Variants in DNAJC1 observed in about 807,000 individuals in gnomAD.
The protein encoded by DNAJC1 is dnaJ homolog subfamily C member 1.
DNAJC1 carries 58 observed loss-of-function variants against 76.6 expected under a neutral mutation model. The ratio of observed to expected loss-of-function variants is 0.76; its 90% CI spans 0.61 to 0.94. The LOEUF (loss-of-function observed/expected upper bound fraction) is 0.94. DNAJC1 is among the 40% of genes least tolerant of loss of function. The probability of loss-of-function intolerance (pLI) is 0.00; values close to 1 mark genes in which losing one functional copy is unlikely to be tolerated. For synonymous variants in DNAJC1, 258 were observed against 267.9 expected (o/e 0.96, Z 0.36); for missense variants, 689 against 677.3 (o/e 1.02, Z -0.19).
chr10:21,876,905 T>A (rs1050879138), intron 8 of DNAJC1, among the ~76,000 whole-genome samples: 1 of 152,220 alleles, frequency 6.6e-6, no homozygotes, highest in Non-Finnish European at 1.5e-5. Flanking sequence ...TCCAGGATAT[T>A]GTTAATTGAA....
intron 6 of DNAJC1, 62 bp from the exon 7 acceptor site, chr10:21,904,674 C>T (rs2131745203): frequency 9.4e-7 from 1 of 1,064,026 alleles, no homozygotes; most frequent in East Asian, 2.6e-5. Flanking sequence ...TAATATTTTC[C>T]ATGTAACTTA....
At chr10:21,886,094 G>C (rs1836362982) in intron 7 of DNAJC1, among the ~76,000 whole-genome samples, 2 of 151,640 alleles carry the variant, frequency 1.3e-5, no homozygotes, top group African/African-American at 4.8e-5. Context: ...TACTAGCTAG[G>C]CTAATAGAGA....
chr10:21,941,718 ATG>A (rs1837415642), intron 1 of DNAJC1, among the ~76,000 whole-genome samples: 1 of 152,158 alleles, frequency 6.6e-6, no homozygotes, highest in Admixed American at 6.5e-5. Flanking sequence ...TTTGTAATAT[ATG>A]TGTCTGTAGG....
At chr10:21,905,400 A>G in intron 6 of DNAJC1, among the ~76,000 whole-genome samples, 1 of 152,066 alleles carries the variant, frequency 6.6e-6, no homozygotes, top group African/African-American at 2.4e-5. Context: ...CAGATAGTCT[A>G]TAGGAATACC....
chr10:21,845,257 C>T (rs1372149569), intron 8 of DNAJC1, among the ~76,000 whole-genome samples: 1 of 151,930 alleles, frequency 6.6e-6, no homozygotes, highest in Non-Finnish European at 1.5e-5. Context: ...GATCTTCCAT[C>T]AAGCAAGCTG....
At chr10:21,930,375 T>C (rs1837202221) in intron 1 of DNAJC1, among the ~76,000 whole-genome samples, 1 of 152,204 alleles carries the variant, frequency 6.6e-6, no homozygotes, top group African/African-American at 2.4e-5. Context: ...TGTCTCTCAT[T>C]TGATAGCTGA....
intron 1 of DNAJC1, among the ~76,000 whole-genome samples, chr10:21,986,665 C>A (rs1025827451): frequency 6.6e-6 from 1 of 152,110 alleles, no homozygotes; most frequent in African/African-American, 2.4e-5. Flanking sequence ...ACTAAACCAA[C>A]CTTGCATTCC....
chr10:21,854,528 C>G (rs1049294284), intron 8 of DNAJC1, among the ~76,000 whole-genome samples: 3 of 151,812 alleles, frequency 2.0e-5, no homozygotes, highest in Non-Finnish European at 4.4e-5. Flanking sequence ...ATGTCATATT[C>G]CTAAGACAGA....
chr10:21,864,189 A>G (rs1307877580), intron 8 of DNAJC1, among the ~76,000 whole-genome samples: 1 of 152,168 alleles, frequency 6.6e-6, no homozygotes, highest in African/African-American at 2.4e-5. Flanking sequence ...GTGCCACTGC[A>G]CTCCAGCCTC....
intron 1 of DNAJC1, among the ~76,000 whole-genome samples, chr10:21,997,637 C>A (rs1328448790): frequency 6.6e-6 from 1 of 152,134 alleles, no homozygotes; most frequent in Non-Finnish European, 1.5e-5. Context: ...TTCCTCCCAA[C>A]CATGGGGCAC....
At chr10:21,810,532 T>C (rs1057119596) in intron 8 of DNAJC1, among the ~76,000 whole-genome samples, 4 of 152,214 alleles carry the variant, frequency 2.6e-5, no homozygotes, top group Admixed American at 2.0e-4. Flanking sequence ...ATGGACACTC[T>C]GACCCAAAGA....
chr10:21,983,093 C>G (rs1381592249), intron 1 of DNAJC1, among the ~76,000 whole-genome samples: 1 of 152,112 alleles, frequency 6.6e-6, no homozygotes, highest in East Asian at 1.9e-4. Context: ...ACTATATGAT[C>G]CAGCAATTCT....
At chr10:21,904,715 A>C in intron 6 of DNAJC1, 103 bp from the exon 7 acceptor site, 1 of 593,894 alleles carries the variant, frequency 1.7e-6, no homozygotes, top group Non-Finnish European at 2.7e-6. Context: ...TTTTATAAGT[A>C]GGCTTTCTTT....
intron 9 of DNAJC1, among the ~76,000 whole-genome samples, chr10:21,785,785 A>G (rs1834598612): frequency 6.6e-6 from 1 of 152,194 alleles, no homozygotes; most frequent in African/African-American, 2.4e-5. Flanking sequence ...AGGAAATGGA[A>G]GGCAGAGAAG....
At chr10:21,886,055 TA>T (rs202148715) in intron 7 of DNAJC1, among the ~76,000 whole-genome samples, 5 of 151,406 alleles carry the variant, frequency 3.3e-5, no homozygotes, top group Non-Finnish European at 7.4e-5. Flanking sequence ...GAATGGATTT[TA>T]AAAAAAAATT....
At chr10:21,996,271 T>C (rs1734810216) in intron 1 of DNAJC1, among the ~76,000 whole-genome samples, 1 of 152,192 alleles carries the variant, frequency 6.6e-6, no homozygotes, top group Admixed American at 6.5e-5. Flanking sequence ...GGAAAACAGT[T>C]CTGAAAGTCA....
intron 3 of DNAJC1, among the ~76,000 whole-genome samples, chr10:21,922,178 G>C (rs573617972): frequency 6.6e-6 from 1 of 152,026 alleles, no homozygotes; most frequent in South Asian, 2.1e-4. Flanking sequence ...TGCCAGTCTT[G>C]ACATGTAAAT....
chr10:21,970,873 A>G (rs1590073262), intron 1 of DNAJC1, among the ~76,000 whole-genome samples: 3 of 152,008 alleles, frequency 2.0e-5, no homozygotes, highest in East Asian at 3.9e-4. Flanking sequence ...ATTCCATCTG[A>G]TAGTTTTGAA....
intron 1 of DNAJC1, among the ~76,000 whole-genome samples, chr10:21,976,720 T>A (rs1474762878): frequency 6.6e-6 from 1 of 152,208 alleles, no homozygotes; most frequent in Non-Finnish European, 1.5e-5. Flanking sequence ...TCTGTTTTTT[T>A]TCTCAGCTCT....
Sources: allele counts gnomAD v4.1 joint callset (sites outside exome capture counted in the v4.1 genomes callset), GRCh38; gene constraint gnomAD v4.1.1; transcripts MANE v1.5; gene names NCBI Gene and HGNC (gene_info 2026-07-23, HGNC 2026-07-21).